The following GRXCR1 variants were observed in gnomAD, a reference collection of about 807,000 sequenced individuals.
The protein encoded by GRXCR1 is glutaredoxin domain-containing cysteine-rich protein 1.
Under a neutral mutation model 27.3 loss-of-function variants are expected in GRXCR1, and 27 were observed. The ratio of observed to expected loss-of-function variants is 0.99; its 90% CI spans 0.73 to 1.37. The LOEUF (loss-of-function observed/expected upper bound fraction) is 1.37, where lower values mean the gene tolerates loss of function less well. Ranked by LOEUF, GRXCR1 falls within the 40% of genes most tolerant of loss-of-function variation. The pLI is 0.00. For synonymous variants in GRXCR1, 122 were observed against 131.1 expected (o/e 0.93, Z 0.47); for missense variants, 379 against 354.4 (o/e 1.07, Z -0.56).
At chr4:42,918,095 A>G (rs1746925044) in intron 1 of GRXCR1, among the ~76,000 whole-genome samples, 1 of 152,144 alleles carries the variant, frequency 6.6e-6, no homozygotes, top group African/African-American at 2.4e-5. Flanking sequence ...GGTCTTTCTC[A>G]TAGTTCTGGA....
At chr4:43,022,369 A>G (rs780281801) in intron 3 of GRXCR1, among the ~76,000 whole-genome samples, 2 of 152,146 alleles carry the variant, frequency 1.3e-5, no homozygotes, top group Admixed American at 6.5e-5. Flanking sequence ...TAATTCTTCA[A>G]TTCTACAACT....
intron 2 of GRXCR1, among the ~76,000 whole-genome samples, chr4:43,006,117 C>G (rs1470907351): frequency 3.3e-5 from 5 of 152,212 alleles, no homozygotes; most frequent in Non-Finnish European, 7.3e-5. Flanking sequence ...CCAATCAATA[C>G]TCTTGTGATT....
intron 1 of GRXCR1, among the ~76,000 whole-genome samples, chr4:42,940,578 T>G (rs959430953): frequency 3.9e-5 from 6 of 152,102 alleles, no homozygotes; most frequent in African/African-American, 1.4e-4. Context: ...ATTGTTACTT[T>G]CTATGATTAG....
rs113921170 is a variant in GRXCR1 at position 42,919,191 on chromosome 4, G to T, written c.384+25541G>T. On this transcript the variant is annotated intron_variant, in intron 1 of 3. Transcript: ENST00000399770. ...GGGGCCTATAGTTCTTCAGGTAATA[G>T]CAGCAGCAGCTGTAGAGGCTGGCCT... 7.1e-3 allele frequency among the ~76,000 whole-genome samples: 1,086 copies of T among 152,240 alleles called. 14 individuals are homozygous for T. Among genetic ancestry groups the T allele is most frequent in the African/African-American group, 0.023 (952 of 41,548 alleles).
rs768574809 is a variant in GRXCR1 at position 42,893,634 on chromosome 4, T to C, written c.368T>C (p.Leu123Ser). Reference protein sequence around the residue: ...VSAGQALFNNLTKVLQQPSTD... With the variant: ...VSAGQALFNNSTKVLQQPSTD... ...GCTGGCCAGGCTCTATTTAACAATT[T>C]GACCAAAGTATTACAGGTAAGTCAT... The change falls in exon 1 of 4, where the codon TTG becomes TCG. Residue 123 changes from leucine to serine, a missense_variant. By Grantham distance (145) the Leu-to-Ser change is moderately radical. Transcript: ENST00000399770. 3 of 1,613,404 alleles carry C rather than the reference T, an allele frequency of 1.9e-6. No individual in the cohort carries two copies. Among genetic ancestry groups the C allele is most frequent in the Non-Finnish European group, 2.5e-6 (3 of 1,179,696 alleles).
chr4:43,023,446 C>A (rs1188745633), intron 3 of GRXCR1, among the ~76,000 whole-genome samples: 1 of 152,202 alleles, frequency 6.6e-6, no homozygotes, highest in Non-Finnish European at 1.5e-5. Context: ...TCCCACCCAA[C>A]TGAAAATTGC....
chr4:43,000,502 G>T (rs189484793), intron 2 of GRXCR1, among the ~76,000 whole-genome samples: 19 of 146,842 alleles, frequency 1.3e-4, no homozygotes. Context: ...AAAAAAGAAG[G>T]CATCTAAGTC....
At chr4:42,912,548 C>A (rs1450911) in intron 1 of GRXCR1, among the ~76,000 whole-genome samples, 31,381 of 152,096 alleles carry the variant, frequency 0.21, 3,300 homozygotes, top group South Asian at 0.31. Flanking sequence ...AATGATAGCC[C>A]TGAACAATTT....
intron 3 of GRXCR1, among the ~76,000 whole-genome samples, chr4:43,024,652 T>G (rs1376781831): frequency 6.6e-6 from 1 of 152,226 alleles, no homozygotes; most frequent in African/African-American, 2.4e-5. Flanking sequence ...GTTCAGTGGC[T>G]TCTTTCTCAA....
intron 1 of GRXCR1, among the ~76,000 whole-genome samples, chr4:42,947,533 T>C (rs574534690): frequency 2.4e-4 from 37 of 152,302 alleles, no homozygotes; most frequent in Admixed American, 2.3e-3. Flanking sequence ...TTTTCCAATA[T>C]TGATTGGGTT....
intron 1 of GRXCR1, among the ~76,000 whole-genome samples, chr4:42,951,120 G>A (rs1342306301): frequency 6.7e-6 from 1 of 149,696 alleles, no homozygotes; most frequent in Admixed American, 6.6e-5. Context: ...GAGTCTGAAG[G>A]CATAAGATTC....
chr4:42,982,364 G>C (rs1187485676), intron 2 of GRXCR1, among the ~76,000 whole-genome samples: 3 of 135,556 alleles, frequency 2.2e-5, no homozygotes, highest in Non-Finnish European at 4.7e-5. Flanking sequence ...TTTCATCCAT[G>C]TCCCTACAAA....
At chr4:42,980,863 C>A (rs896605690) in intron 2 of GRXCR1, among the ~76,000 whole-genome samples, 3 of 151,656 alleles carry the variant, frequency 2.0e-5, no homozygotes, top group Non-Finnish European at 2.9e-5. Context: ...CCATTTTCAT[C>A]AAAAATCTTT....
At chr4:42,974,411 G>C (rs547128296) in intron 2 of GRXCR1, among the ~76,000 whole-genome samples, 86 of 152,246 alleles carry the variant, frequency 5.6e-4, no homozygotes, top group Non-Finnish European at 1.1e-3. Flanking sequence ...TTTATCTATA[G>C]AGCATTAATG....
At chr4:42,981,064 A>G (rs2109784827) in intron 2 of GRXCR1, among the ~76,000 whole-genome samples, 1 of 151,676 alleles carries the variant, frequency 6.6e-6, no homozygotes, top group Non-Finnish European at 1.5e-5. Context: ...CCATTTTGCA[A>G]GTTGTTTCCT....
chr4:43,020,528 T>C (rs1166109030), intron 3 of GRXCR1, 109 bp downstream of exon 3: 12 of 752,404 alleles, frequency 1.6e-5, no homozygotes, highest in African/African-American at 3.5e-5. Flanking sequence ...CTTACAAATA[T>C]GCAATAGGAT....
chr4:42,994,310 T>C (rs1310937763), intron 2 of GRXCR1, among the ~76,000 whole-genome samples: 4 of 152,130 alleles, frequency 2.6e-5, no homozygotes, highest in Non-Finnish European at 5.9e-5. Flanking sequence ...TATGAAGTAT[T>C]GATAAATGTG....
At chr4:42,917,909 G>A (rs1305250537) in intron 1 of GRXCR1, among the ~76,000 whole-genome samples, 1 of 152,014 alleles carries the variant, frequency 6.6e-6, no homozygotes, top group South Asian at 2.1e-4. Context: ...TGGTGAATAG[G>A]CATTTTAGGA....
At chr4:42,930,675 G>T (rs1330363902) in intron 1 of GRXCR1, among the ~76,000 whole-genome samples, 1 of 151,926 alleles carries the variant, frequency 6.6e-6, no homozygotes, top group African/African-American at 2.4e-5. Flanking sequence ...TAAAGTTTTA[G>T]TTCCTCTGTC....
Sources: allele counts gnomAD v4.1 joint callset (sites outside exome capture counted in the v4.1 genomes callset), GRCh38; gene constraint gnomAD v4.1.1; transcripts MANE v1.5; gene names NCBI Gene and HGNC (gene_info 2026-07-23, HGNC 2026-07-21).